MICU1: variants seen among roughly 807,000 people sequenced by gnomAD.
The protein encoded by MICU1 is mitochondrial calcium uptake 1.
In MICU1, 45 loss-of-function variants were observed where a neutral mutation model predicts 56.8. That is an observed-to-expected ratio of 0.79 (90% CI 0.62 to 1.02). The LOEUF (loss-of-function observed/expected upper bound fraction) is 1.02, where lower values mean the gene tolerates loss of function less well. Among genes scored for constraint, MICU1 ranks in the 50% least tolerant of loss-of-function variants. The pLI, the probability that MICU1 is intolerant of heterozygous loss-of-function variation, is 0.00. For missense variants in MICU1, 504 were observed against 587.1 expected (o/e 0.86, Z 1.46); for synonymous variants, 186 against 195.1 (o/e 0.95, Z 0.39).
intron 3 of MICU1, among the ~76,000 whole-genome samples, chr10:72,555,120 TAGTAAG>T (rs1840128224): frequency 6.6e-6 from 1 of 152,198 alleles, no homozygotes; most frequent in African/African-American, 2.4e-5. Flanking sequence ...GAACTCTGAA[TAGTAAG>T]AGTATTTCAA....
intron 11 of MICU1, among the ~76,000 whole-genome samples, chr10:72,372,560 C>CA (rs1862380755): frequency 6.6e-6 from 1 of 152,108 alleles, no homozygotes; most frequent in African/African-American, 2.4e-5. Flanking sequence ...AGCTTGAGGC[C>CA]AGGTGTGGTG....
chr10:72,527,066 T>A (rs961608790), intron 5 of MICU1, among the ~76,000 whole-genome samples: 1 of 152,292 alleles, frequency 6.6e-6, no homozygotes, highest in East Asian at 1.9e-4. Context: ...AATGTATATA[T>A]CCCATATTTT....
chr10:72,486,721 T>C (rs1866487472), intron 6 of MICU1, among the ~76,000 whole-genome samples: 1 of 152,238 alleles, frequency 6.6e-6, no homozygotes, highest in Admixed American at 6.5e-5. Context: ...TCTGCCCGCC[T>C]TGGCCTCCCA....
At chr10:72,402,273 C>G (rs973930181) in intron 10 of MICU1, among the ~76,000 whole-genome samples, 1 of 152,118 alleles carries the variant, frequency 6.6e-6, no homozygotes. Context: ...CAACCCTGTC[C>G]CCGATTCCAT....
intron 6 of MICU1, among the ~76,000 whole-genome samples, chr10:72,478,728 T>G (rs1866197571): frequency 6.6e-6 from 1 of 152,250 alleles, no homozygotes; most frequent in Admixed American, 6.5e-5. Flanking sequence ...TCCTGGTTTT[T>G]AGTTGCCTGG....
chr10:72,460,063 A>G (rs1165459221), intron 8 of MICU1, among the ~76,000 whole-genome samples: 1 of 152,206 alleles, frequency 6.6e-6, no homozygotes, highest in Non-Finnish European at 1.5e-5. Context: ...GTGTTGCTAG[A>G]GTGATCTTTC....
intron 8 of MICU1, among the ~76,000 whole-genome samples, chr10:72,455,843 C>A (rs1865442464): frequency 6.6e-6 from 1 of 151,926 alleles, no homozygotes; most frequent in African/African-American, 2.4e-5. Flanking sequence ...TAGGAGCCTT[C>A]CTCATCAATT....
At chr10:72,529,750 T>C (rs979682171) in intron 5 of MICU1, among the ~76,000 whole-genome samples, 10 of 152,046 alleles carry the variant, frequency 6.6e-5, no homozygotes, top group Non-Finnish European at 1.3e-4. Flanking sequence ...GAAAGAAATA[T>C]TTAACAATAA....
intron 8 of MICU1, among the ~76,000 whole-genome samples, chr10:72,470,089 CA>C (rs1371086733): frequency 2.6e-5 from 4 of 152,186 alleles, no homozygotes; most frequent in Non-Finnish European, 2.9e-5. Context: ...CATCCCACTA[CA>C]AACATCATCT....
intron 9 of MICU1, among the ~76,000 whole-genome samples, chr10:72,409,170 G>A (rs1304624777): frequency 1.3e-5 from 2 of 152,166 alleles, no homozygotes; most frequent in African/African-American, 2.4e-5. Flanking sequence ...CCCAGACACT[G>A]ATGTTAATGC....
intron 1 of MICU1, among the ~76,000 whole-genome samples, chr10:72,601,911 T>C (rs1203661733): frequency 6.6e-6 from 1 of 151,810 alleles, no homozygotes; most frequent in Non-Finnish European, 1.5e-5. Flanking sequence ...GCGATTCTTC[T>C]GCCTCAGCCT....
At chr10:72,512,872 T>G (rs1867524335) in intron 5 of MICU1, among the ~76,000 whole-genome samples, 1 of 151,982 alleles carries the variant, frequency 6.6e-6, no homozygotes, top group Non-Finnish European at 1.5e-5. Context: ...GCTCGGGTAA[T>G]TTTTGTATTT....
At chr10:72,442,797 A>T (rs1864981009) in intron 8 of MICU1, among the ~76,000 whole-genome samples, 1 of 152,080 alleles carries the variant, frequency 6.6e-6, no homozygotes, top group Non-Finnish European at 1.5e-5. Context: ...TTGCTCTGTC[A>T]CCAGGCTAGA....
In MICU1 at chr10:72,500,261, CATATATATATATATAT is replaced by C. The variant is rs869065639; in HGVS notation, c.652+7878_652+7893del. Among the ~76,000 whole-genome samples the C allele has an allele frequency of 7.2e-4, 21 of 29,066 alleles. No homozygotes were observed. The South Asian group carries it at 0.017, about 23-fold the overall frequency. The allele number at this position is 29,066 out of a possible 152,430, so 19.1% of individuals were successfully genotyped here. ...AAACTATTATATACATACATACATACATATATATATATATATATATATATATATATATATATATATA... is the reference window on the plus strand; with the variant it reads ...AAACTATTATATACATACATACATACATATATATATATATATATATATATA... On this transcript the variant is annotated intron_variant, in intron 6 of 11. Transcript: ENST00000361114.
At chr10:72,487,658 C>T (rs1008780027) in intron 6 of MICU1, among the ~76,000 whole-genome samples, 3 of 152,124 alleles carry the variant, frequency 2.0e-5, no homozygotes, top group Non-Finnish European at 2.9e-5. Context: ...AATATCTCCT[C>T]GTGAGAATGT....
At chr10:72,443,228 C>T (rs1458715439) in intron 8 of MICU1, among the ~76,000 whole-genome samples, 6 of 151,802 alleles carry the variant, frequency 4.0e-5, no homozygotes. Flanking sequence ...TTTGTTTTTT[C>T]CTTGTAAATT....
At chr10:72,376,565 G>A (rs776574591) in intron 10 of MICU1, among the ~76,000 whole-genome samples, 2 of 152,176 alleles carry the variant, frequency 1.3e-5, no homozygotes, top group African/African-American at 4.8e-5. Context: ...GAGCCCAGGA[G>A]GCAGAGGTTT....
In MICU1 at chr10:72,493,412, G is replaced by A. The variant is rs116943404; in HGVS notation, c.652+14743C>T. 6.3e-3 allele frequency among the ~76,000 whole-genome samples: 965 copies of A among 151,978 alleles called. 26 individuals are homozygous for A. The highest frequency in any genetic ancestry group is 0.052 in the Admixed American group (797 of 15,252). On this transcript the variant is annotated intron_variant, in intron 6 of 11. Transcript: ENST00000361114. Reference sequence around the variant, plus strand: ...TTGTTTGATATTTGAGTTCTTTCTCGTTTATTTTTATGTGTGTATTTGTTT... The same window carrying A: ...TTGTTTGATATTTGAGTTCTTTCTCATTTATTTTTATGTGTGTATTTGTTT...
chr10:72,467,058 G>C (rs1865814810), intron 8 of MICU1, among the ~76,000 whole-genome samples: 1 of 151,802 alleles, frequency 6.6e-6, no homozygotes, highest in African/African-American at 2.4e-5. Flanking sequence ...GAGTGCAGTA[G>C]TGCAATCTTG....
Sources: allele counts gnomAD v4.1 joint callset (sites outside exome capture counted in the v4.1 genomes callset), GRCh38; gene constraint gnomAD v4.1.1; transcripts MANE v1.5; gene names NCBI Gene and HGNC (gene_info 2026-07-23, HGNC 2026-07-21).